Variants in HERC4 observed in about 807,000 individuals in gnomAD.
HERC4 encodes the protein probable E3 ubiquitin-protein ligase HERC4.
HERC4 carries 28 observed loss-of-function variants against 124.3 expected under a neutral mutation model. The ratio of observed to expected loss-of-function variants is 0.23; its 90% CI spans 0.17 to 0.31. The LOEUF (loss-of-function observed/expected upper bound fraction) is 0.31. Ranked by LOEUF, HERC4 falls within the 10% of genes least tolerant of loss-of-function variation. The pLI is 1.00. For synonymous variants in HERC4, 407 were observed against 421.5 expected (o/e 0.97, Z 0.42); for missense variants, 713 against 1,229.3 (o/e 0.58, Z 6.28).
Position 67,939,658 on chromosome 10 carries a change from C to T in HERC4, c.2505-4G>A. ...ATCCAGTAACTGTTGCATGCTTCTGCAAAATAATATATATGTTTCTGAGAG... is the reference window on the plus strand; with the variant it reads ...ATCCAGTAACTGTTGCATGCTTCTGTAAAATAATATATATGTTTCTGAGAG... On this transcript the variant is annotated splice_polypyrimidine_tract_variant and splice_region_variant and intron_variant, in intron 20 of 24. Transcript: ENST00000373700. The T allele has an allele frequency of 1.3e-6, 2 of 1,589,348 alleles. No individual in the cohort carries two copies. The highest frequency in any genetic ancestry group is 1.7e-6 in the Non-Finnish European group (2 of 1,164,722).
intron 3 of HERC4, chr10:68,067,877 AC>A (rs1177218252): frequency 6.6e-6 from 1 of 152,234 alleles, no homozygotes; most frequent in Non-Finnish European, 1.5e-5. Context: ...ATTCAGTAAT[AC>A]ACTATACATA....
Position 67,940,921 on chromosome 10 carries a change from C to CTT in HERC4, c.2504+16_2504+17dup. On this transcript the variant is annotated intron_variant, in intron 20 of 24. Transcript: ENST00000373700. ...CCTCCCAAACCCTACTACTTTTTGA[C>CTT]TTTTTTTTCCAACTAACCTCCCAAC... 1.2e-6 allele frequency: 2 copies of CTT among 1,600,412 alleles called. No homozygotes were observed. The highest frequency in any genetic ancestry group is 1.7e-6 in the Non-Finnish European group (2 of 1,175,590).
intron 14 of HERC4, 104 bp from the exon 15 acceptor site, chr10:67,988,939 A>G: frequency 1.2e-6 from 1 of 829,912 alleles, no homozygotes; most frequent in Admixed American, 2.6e-5. Flanking sequence ...GTTAAACCTG[A>G]GAAAACCCCA....
chr10:67,965,772 A>G (rs1589200907), intron 16 of HERC4: 1 of 152,358 alleles, frequency 6.6e-6, no homozygotes, highest in East Asian at 1.9e-4. Flanking sequence ...CTTCTATTAT[A>G]TAACTGCTGC....
chr10:68,056,392 T>C (rs560836639), intron 3 of HERC4, among the ~76,000 whole-genome samples: 5 of 152,276 alleles, frequency 3.3e-5, no homozygotes, highest in African/African-American at 7.2e-5. Context: ...ATGTGCACCA[T>C]AGTATTTCAC....
intron 15 of HERC4, among the ~76,000 whole-genome samples, chr10:67,979,231 A>G (rs1304172406): frequency 6.6e-6 from 1 of 152,152 alleles, no homozygotes; most frequent in Non-Finnish European, 1.5e-5. Context: ...AACTCAAAGA[A>G]ATTCAAGATA....
At chr10:67,988,957 G>T (rs907905295) in intron 14 of HERC4, 122 bp from the exon 15 acceptor site, 39 of 711,764 alleles carry the variant, frequency 5.5e-5, no homozygotes, top group Non-Finnish European at 2.7e-5. Context: ...CCAGAAAGAT[G>T]CATATAACAC....
chr10:67,927,998 A>G (rs1041806722), intron 23 of HERC4, among the ~76,000 whole-genome samples: 4 of 152,180 alleles, frequency 2.6e-5, no homozygotes, highest in Admixed American at 1.3e-4. Context: ...GCAATTTTAG[A>G]TCAGTTATCC....
At chr10:67,975,478 T>A (rs2035530647) in intron 15 of HERC4, among the ~76,000 whole-genome samples, 1 of 152,134 alleles carries the variant, frequency 6.6e-6, no homozygotes, top group Admixed American at 6.5e-5. Context: ...GCCTCCTAAG[T>A]AGCTGGGATT....
intron 19 of HERC4, among the ~76,000 whole-genome samples, chr10:67,943,588 T>C (rs1184500105): frequency 2.0e-5 from 3 of 152,178 alleles, no homozygotes; most frequent in African/African-American, 7.2e-5. Flanking sequence ...ACTAGGATGC[T>C]TGGTGGAAAG....
intron 9 of HERC4, among the ~76,000 whole-genome samples, chr10:67,998,539 T>A (rs1589281317): frequency 2.0e-5 from 2 of 98,580 alleles, no homozygotes. Context: ...AGAGTGACAC[T>A]CCACCTCAAT....
chr10:68,025,936 A>AT (rs935323632), intron 7 of HERC4, among the ~76,000 whole-genome samples: 6 of 152,182 alleles, frequency 3.9e-5, no homozygotes, highest in African/African-American at 1.4e-4. Context: ...ATTGCCTTTC[A>AT]TTATCATTAT....
chr10:68,017,948 G>C (rs1222359526), intron 8 of HERC4, among the ~76,000 whole-genome samples: 1 of 152,086 alleles, frequency 6.6e-6, no homozygotes, highest in Non-Finnish European at 1.5e-5. Context: ...AGGCACAAAT[G>C]GTTTTAATGA....
chr10:67,962,214 TTAAA>T (rs1465594890), intron 16 of HERC4, among the ~76,000 whole-genome samples: 3 of 100,078 alleles, frequency 3.0e-5, no homozygotes, highest in African/African-American at 9.5e-5. Context: ...CTAAGAAAGT[TTAAA>T]TAAGCAAAAA....
chr10:68,000,085 T>C (rs1470237352), intron 9 of HERC4, among the ~76,000 whole-genome samples: 2 of 152,134 alleles, frequency 1.3e-5, no homozygotes, highest in African/African-American at 2.4e-5. Context: ...CTTGGACTCC[T>C]ATCCTCAAGC....
intron 15 of HERC4, among the ~76,000 whole-genome samples, chr10:67,968,007 C>T (rs1358350593): frequency 6.6e-6 from 1 of 151,978 alleles, no homozygotes; most frequent in Non-Finnish European, 1.5e-5. Context: ...CTCTTCCTGG[C>T]ACTAACAATT....
intron 9 of HERC4, among the ~76,000 whole-genome samples, chr10:67,997,934 G>A (rs774511138): frequency 2.0e-4 from 31 of 151,998 alleles, no homozygotes; most frequent in African/African-American, 2.4e-4. Context: ...ACAAAGTCTC[G>A]CTCTGTCGCC....
intron 8 of HERC4, among the ~76,000 whole-genome samples, chr10:68,014,701 T>A (rs546660178): frequency 6.6e-6 from 1 of 152,320 alleles, no homozygotes; most frequent in Non-Finnish European, 1.5e-5. Flanking sequence ...TCTCTATATG[T>A]ACGCACCAAA....
chr10:68,070,099 T>C, intron 3 of HERC4: 1 of 984,910 alleles, frequency 1.0e-6, no homozygotes, highest in African/African-American at 1.7e-5. Context: ...GAACTATGTT[T>C]ATTACATTGT....
Sources: allele counts gnomAD v4.1 joint callset (sites outside exome capture counted in the v4.1 genomes callset), GRCh38; gene constraint gnomAD v4.1.1; transcripts MANE v1.5; gene names NCBI Gene and HGNC (gene_info 2026-07-23, HGNC 2026-07-21).